REV3L: variants seen among roughly 807,000 people sequenced by gnomAD.
REV3L encodes DNA polymerase zeta catalytic subunit.
In REV3L, 69 loss-of-function variants were observed where a neutral mutation model predicts 299.4. The ratio of observed to expected loss-of-function variants is 0.23; its 90% confidence interval spans 0.19 to 0.28. The LOEUF (loss-of-function observed/expected upper bound fraction) is 0.28, where lower values mean the gene tolerates loss of function less well. REV3L is among the 10% of genes least tolerant of loss of function. REV3L has a pLI of 1.00. For synonymous variants in REV3L, 1,238 were observed against 1,271.4 expected, an observed-to-expected ratio of 0.97 and a Z score of 0.56; for missense variants, 3,128 against 3,693.8, an observed-to-expected ratio of 0.85 and a Z score of 3.97.
intron 11 of REV3L, 24 bp from the exon 12 acceptor site, chr6:111,377,867 G>A: frequency 6.3e-7 from 1 of 1,592,634 alleles, no homozygotes; most frequent in East Asian, 2.2e-5. Flanking sequence ...AAATTCACTG[G>A]TGAGCATGAT....
chr6:111,347,925 T>A (rs1008482825), intron 20 of REV3L, among the ~76,000 whole-genome samples: 5 of 152,092 alleles, frequency 3.3e-5, no homozygotes, highest in African/African-American at 9.7e-5. Flanking sequence ...TCCAAGTAGC[T>A]GTTGCCTGGC....
chr6:111,465,473 C>T (rs2128330279), intron 1 of REV3L, among the ~76,000 whole-genome samples: 1 of 151,728 alleles, frequency 6.6e-6, no homozygotes, highest in African/African-American at 2.4e-5. Flanking sequence ...GTGGCTCACA[C>T]CTATAATCCC....
At chr6:111,405,101 C>T (rs2128274060) in intron 4 of REV3L, among the ~76,000 whole-genome samples, 1 of 151,340 alleles carries the variant, frequency 6.6e-6, no homozygotes, top group African/African-American at 2.4e-5. Context: ...ACATTAAGGT[C>T]TGAGGTTAAA....
At chr6:111,344,182 G>A in intron 20 of REV3L, 139 bp from the exon 21 acceptor site, 2 of 592,236 alleles carry the variant, frequency 3.4e-6, no homozygotes, top group South Asian at 4.5e-5. Flanking sequence ...CAGTACAACT[G>A]AATCATAATT....
At chr6:111,448,441 T>TCATCCACCTCCTA (rs1562327402) in intron 1 of REV3L, among the ~76,000 whole-genome samples, 54 of 152,148 alleles carry the variant, frequency 3.5e-4, no homozygotes, top group African/African-American at 1.3e-3. Context: ...TAGGCTCAGA[T>TCATCCACCTCCTA]GATCCACCTC....
At chr6:111,454,268 A>G (rs1789910777) in intron 1 of REV3L, among the ~76,000 whole-genome samples, 1 of 152,110 alleles carries the variant, frequency 6.6e-6, no homozygotes, top group Non-Finnish European at 1.5e-5. Context: ...AAAAAAATCA[A>G]GTACTACCAT....
At chr6:111,316,210 C>T (rs1311618849) in intron 26 of REV3L, among the ~76,000 whole-genome samples, 3 of 147,072 alleles carry the variant, frequency 2.0e-5, no homozygotes, top group Admixed American at 1.4e-4. Flanking sequence ...TGCACTGCAG[C>T]TTAGGACTCC....
Position 111,373,068 on chromosome 6 carries a change from A to C in REV3L, c.5287T>G (p.Cys1763Gly). The stretch of plus-strand genomic sequence containing the variant: ...AGACAGTCTTCTGCCTGCTGAACAC[A>C]GAAAGAATCCATTATTGAGTTAGAC... ...TRSNSIMDSF[C>G]VQQAEDCLSE... Residue 1763 changes from cysteine to glycine, a missense_variant, in exon 13 of 32, where the codon TGT becomes GGT. Cys to Gly is a radical substitution (Grantham distance 159). Transcript: ENST00000368802. The C allele has an allele frequency of 6.2e-7, 1 of 1,614,184 alleles. No individual in the cohort carries two copies. Among genetic ancestry groups the C allele is most frequent in the East Asian group, 2.2e-5 (1 of 44,878 alleles).
intron 1 of REV3L, among the ~76,000 whole-genome samples, chr6:111,471,142 C>T (rs1021369141): frequency 1.2e-4 from 18 of 152,086 alleles, no homozygotes; most frequent in African/African-American, 4.3e-4. Context: ...AATACAAAGG[C>T]TTCCATTTTT....
Position 111,358,993 on chromosome 6 carries a change from T to A in REV3L, c.6901A>T (p.Ser2301Cys). Residue 2301 changes from serine to cysteine, a missense_variant, in exon 17 of 32, where the codon AGT becomes TGT. By Grantham distance (112) the Ser-to-Cys change is moderately radical (BLOSUM62 -1). Around this residue, in one of 9 missense-constraint regions of REV3L, gnomAD observed 82 missense variants for 142.7 expected, o/e 0.57. Transcript: ENST00000368802. ...CTAGTTCGAGCATGCAACTCCACACTGATTAGGGTAAGATTTTGTATCTAT... is the reference window on the plus strand; with the variant it reads ...CTAGTTCGAGCATGCAACTCCACACAGATTAGGGTAAGATTTTGTATCTAT... ...LHEIQNLTLISVELHARTRRD... is the reference protein window; with the variant it reads ...LHEIQNLTLICVELHARTRRD... 1 of 1,612,156 alleles carries A rather than the reference T, an allele frequency of 6.2e-7. No individual in the cohort carries two copies. The highest frequency in any genetic ancestry group is 8.5e-7 in the Non-Finnish European group (1 of 1,179,182).
At chr6:111,408,652 A>C (rs1342712203) in intron 3 of REV3L, among the ~76,000 whole-genome samples, 1 of 114,200 alleles carries the variant, frequency 8.8e-6, no homozygotes, top group Non-Finnish European at 2.1e-5. Context: ...CAAAACAAAA[A>C]CAACATTATT....
At chr6:111,350,181 G>A (rs367917930) in intron 19 of REV3L, among the ~76,000 whole-genome samples, 44 of 152,010 alleles carry the variant, frequency 2.9e-4, no homozygotes, top group Middle Eastern at 3.4e-3. Flanking sequence ...TTTGTATTAC[G>A]GAAAATTCTA....
intron 1 of REV3L, among the ~76,000 whole-genome samples, chr6:111,460,857 G>T (rs201718256): frequency 1.3e-5 from 2 of 152,048 alleles, no homozygotes; most frequent in Non-Finnish European, 2.9e-5. Flanking sequence ...ATAAGATTAC[G>T]ATGAAGCTGA....
At chr6:111,369,382 A>C (rs1405722163) in intron 13 of REV3L, among the ~76,000 whole-genome samples, 2 of 152,082 alleles carry the variant, frequency 1.3e-5, no homozygotes, top group African/African-American at 4.8e-5. Flanking sequence ...TGGGAAAAAA[A>C]ATCTCCTAAT....
intron 1 of REV3L, among the ~76,000 whole-genome samples, chr6:111,448,990 T>C (rs148127473): frequency 5.4e-4 from 82 of 152,214 alleles, no homozygotes; most frequent in African/African-American, 2.0e-3. Flanking sequence ...TTGAAAGAGC[T>C]TGTGGTCTTT....
chr6:111,447,372 A>G (rs1208007946), intron 1 of REV3L, among the ~76,000 whole-genome samples: 1 of 152,218 alleles, frequency 6.6e-6, no homozygotes, highest in Non-Finnish European at 1.5e-5. Flanking sequence ...ACTAGAAATT[A>G]ATAAAGAGAC....
intron 2 of REV3L, 98 bp downstream of exon 2, chr6:111,416,185 A>G: frequency 1.3e-6 from 1 of 796,162 alleles, no homozygotes; most frequent in Non-Finnish European, 1.8e-6. Flanking sequence ...CCATTAGACT[A>G]GAAGTAAAAG....
intron 24 of REV3L, chr6:111,330,948 A>G: frequency 2.0e-6 from 2 of 980,750 alleles, no homozygotes; most frequent in Non-Finnish European, 2.4e-6. Flanking sequence ...TTACTGGTAG[A>G]GAATGATGCC....
intron 28 of REV3L, chr6:111,311,505 A>G (rs767730277): frequency 4.7e-5 from 15 of 321,068 alleles, no homozygotes; most frequent in Non-Finnish European, 7.3e-5. Flanking sequence ...TGACATGCAA[A>G]TTAACATTTG....
Sources: allele counts gnomAD v4.1 joint callset (sites outside exome capture counted in the v4.1 genomes callset), GRCh38; gene constraint gnomAD v4.1.1; regional missense constraint gnomAD v4.1.1; transcripts MANE v1.5; gene names NCBI Gene and HGNC (gene_info 2026-07-23, HGNC 2026-07-21).